The following DLG2 variants were observed in gnomAD, a reference collection of about 807,000 sequenced individuals.
The protein encoded by DLG2 is disks large homolog 2.
A neutral mutation model predicts 132.5 loss-of-function variants in DLG2; 45 were observed. That is an observed-to-expected ratio of 0.34 (90% CI 0.27 to 0.44). DLG2 has a LOEUF of 0.44. DLG2 is among the 20% of genes least tolerant of loss of function. The pLI is 1.00. For missense variants in DLG2, 1,045 were observed against 1,196.9 expected (o/e 0.87, Z 1.87); for synonymous variants, 424 against 419.6 (o/e 1.01, Z -0.13).
intron 6 of DLG2, among the ~76,000 whole-genome samples, chr11:84,630,979 TTCTCTCTCTC>T (rs369904915): frequency 0.034 from 1,731 of 51,214 alleles, 29 homozygotes; most frequent in Middle Eastern, 0.11. Context: ...TTAAATGCAT[TTCTCTCTCTC>T]TCTCTCTCTC....
chr11:84,253,166 C>T (rs888512240), intron 7 of DLG2, among the ~76,000 whole-genome samples: 1 of 151,424 alleles, frequency 6.6e-6, no homozygotes, highest in African/African-American at 2.4e-5. Flanking sequence ...TTTACTGGAT[C>T]TCATTAAAAA....
At chr11:83,507,450 A>T (rs1357140918) in intron 21 of DLG2, among the ~76,000 whole-genome samples, 2 of 136,530 alleles carry the variant, frequency 1.5e-5, no homozygotes, top group Admixed American at 7.5e-5. Context: ...ATCTGTATAT[A>T]TATACACATA....
intron 4 of DLG2, among the ~76,000 whole-genome samples, chr11:85,258,356 C>A (rs182177338): frequency 6.6e-6 from 1 of 152,056 alleles, no homozygotes; most frequent in Admixed American, 6.5e-5. Context: ...ATGAATAAAT[C>A]AAGAAAGGAT....
At chr11:84,654,867 A>C (rs1370064067) in intron 6 of DLG2, among the ~76,000 whole-genome samples, 1 of 152,192 alleles carries the variant, frequency 6.6e-6, no homozygotes, top group Admixed American at 6.5e-5. Flanking sequence ...TGGTTTCAGC[A>C]GACTTCTTAC....
chr11:84,322,005 T>C (rs1053822749), intron 7 of DLG2, among the ~76,000 whole-genome samples: 42 of 152,222 alleles, frequency 2.8e-4, no homozygotes, highest in Non-Finnish European at 4.4e-5. Flanking sequence ...TAACTTAGTT[T>C]GTACCCTTTT....
intron 6 of DLG2, among the ~76,000 whole-genome samples, chr11:85,006,884 T>C (rs1357010385): frequency 2.6e-5 from 4 of 152,236 alleles, no homozygotes; most frequent in African/African-American, 9.6e-5. Flanking sequence ...CAAATTTCCC[T>C]CTAAATATAT....
At chr11:84,355,034 T>C (rs76724344) in intron 7 of DLG2, among the ~76,000 whole-genome samples, 2,932 of 152,206 alleles carry the variant, frequency 0.019, 31 homozygotes, top group Middle Eastern at 0.054. Flanking sequence ...CTTATGGGAA[T>C]GAGTGGTAAA....
At chr11:85,502,289 G>A (rs1305246885) in intron 3 of DLG2, among the ~76,000 whole-genome samples, 1 of 151,812 alleles carries the variant, frequency 6.6e-6, no homozygotes, top group Non-Finnish European at 1.5e-5. Flanking sequence ...CTAGGGGAGG[G>A]ATAACATTAG....
intron 7 of DLG2, among the ~76,000 whole-genome samples, chr11:84,369,325 C>CA (rs34029009): frequency 2.0e-4 from 30 of 151,726 alleles, no homozygotes; most frequent in African/African-American, 5.8e-4. Flanking sequence ...TCTGTCTCTT[C>CA]AAAAAAAAGT....
intron 3 of DLG2, among the ~76,000 whole-genome samples, chr11:85,412,005 C>T (rs563818297): frequency 2.6e-5 from 4 of 151,778 alleles, no homozygotes; most frequent in Non-Finnish European, 2.9e-5. Context: ...GCTGTATCAC[C>T]AATGTGTTTT....
chr11:85,031,893 C>T (rs1018346999), intron 6 of DLG2, among the ~76,000 whole-genome samples: 10 of 151,182 alleles, frequency 6.6e-5, no homozygotes, highest in African/African-American at 2.4e-4. Flanking sequence ...AAGCAATTCT[C>T]CTGCCTTAGC....
Position 84,467,425 on chromosome 11 carries a change from A to G in DLG2, c.519+67145T>C, listed in dbSNP as rs896609226. Among the ~76,000 whole-genome samples the G allele has an allele frequency of 4.6e-5, 7 of 151,598 alleles. No homozygotes were observed. The South Asian group carries it at 1.0e-3, about 22-fold the overall frequency. The stretch of plus-strand genomic sequence containing the variant: ...ATGTAGAAGAAATGACAGAATTAGA[A>G]GAAGCAAGCTAGAGAGAGTAAACGT... On this transcript the variant is annotated intron_variant, in intron 7 of 27. Transcript: ENST00000376104.
In DLG2 at chr11:84,362,909, T is replaced by C. The variant is rs551535815; in HGVS notation, c.520-111618A>G. On this transcript the variant is annotated intron_variant, in intron 7 of 27. Coordinates refer to ENST00000376104, the MANE Select transcript of DLG2 (RefSeq NM_001142699.3). ...CATATTTTCTTAATCCAATCTATCA[T>C]TGTTGGACATTTGGGTTGGTTCCAA... Among the ~76,000 whole-genome samples the C allele has an allele frequency of 3.8e-3, 575 of 152,290 alleles. 1 individual carries two copies. Among genetic ancestry groups the C allele is most frequent in the African/African-American group, 0.013 (527 of 41,560 alleles).
intron 19 of DLG2, among the ~76,000 whole-genome samples, chr11:83,589,296 C>G (rs2097146814): frequency 6.7e-6 from 1 of 148,730 alleles, no homozygotes; most frequent in Non-Finnish European, 1.5e-5. Context: ...GATCTCTCGG[C>G]AGAAACCCTA....
intron 5 of DLG2, among the ~76,000 whole-genome samples, chr11:85,151,936 A>G (rs370039740): frequency 3.8e-4 from 58 of 152,324 alleles, no homozygotes; most frequent in African/African-American, 1.4e-3. Flanking sequence ...ATAGAGACAA[A>G]GGGATTCTCA....
At chr11:84,430,946 G>C (rs1044111377) in intron 7 of DLG2, among the ~76,000 whole-genome samples, 3 of 152,120 alleles carry the variant, frequency 2.0e-5, no homozygotes, top group African/African-American at 7.2e-5. Flanking sequence ...CTCTAAGAAA[G>C]GGATCTAAGA....
intron 3 of DLG2, among the ~76,000 whole-genome samples, chr11:85,489,008 A>T (rs2093496597): frequency 6.6e-6 from 1 of 152,184 alleles, no homozygotes; most frequent in Admixed American, 6.5e-5. Context: ...GACAGGGAAA[A>T]AGAAATAAAT....
At chr11:85,128,318 AAACAATTTTATCTTC>A (rs1463773930) in intron 5 of DLG2, among the ~76,000 whole-genome samples, 4 of 152,152 alleles carry the variant, frequency 2.6e-5, no homozygotes, top group Non-Finnish European at 5.9e-5. Context: ...TACTTAACCT[AAACAATTTTATCTTC>A]AGAGAAAATA....
intron 4 of DLG2, among the ~76,000 whole-genome samples, chr11:85,211,168 G>A (rs1043310962): frequency 6.6e-6 from 1 of 151,940 alleles, no homozygotes; most frequent in Non-Finnish European, 1.5e-5. Flanking sequence ...AATATCTTTG[G>A]TAGACAAATA....
Sources: allele counts gnomAD v4.1 joint callset (sites outside exome capture counted in the v4.1 genomes callset), GRCh38; gene constraint gnomAD v4.1.1; transcripts MANE v1.5; gene names NCBI Gene and HGNC (gene_info 2026-07-23, HGNC 2026-07-21).